The following FSTL5 variants were observed in gnomAD, a reference collection of about 807,000 sequenced individuals.
FSTL5 encodes the protein follistatin like 5, also known as follistatin-related protein 5.
Under a neutral mutation model 89.1 loss-of-function variants are expected in FSTL5, and 62 were observed. The observed-to-expected ratio is 0.70, with a 90% confidence interval of 0.57 to 0.86. The LOEUF (loss-of-function observed/expected upper bound fraction) is 0.86, where lower values mean the gene tolerates loss of function less well. Among genes scored for constraint, FSTL5 ranks in the 40% least tolerant of loss-of-function variants. The pLI, the probability that FSTL5 is intolerant of heterozygous loss-of-function variation, is 0.00. For missense variants in FSTL5, 1,057 were observed against 1,001.6 expected (o/e 1.06, Z -0.75); for synonymous variants, 383 against 346.2 (o/e 1.11, Z -1.18).
rs1156995964 is a variant in FSTL5, at chr4:161,385,599, G to A, written c.*148C>T. ...TAATTGTGTATGTCTTAGTCACTTA[G>A]TCAAAAACAATTTATTTTATTTGGA... is the stretch of plus-strand genomic sequence containing the variant. On this transcript the variant is annotated 3_prime_UTR_variant, in exon 16 of 16. Transcript: ENST00000306100. 6 of 604,720 alleles carry A rather than the reference G, an allele frequency of 9.9e-6. No individual in the cohort carries two copies. Among genetic ancestry groups the A allele is most frequent in the East Asian group, 8.4e-5 (3 of 35,870 alleles). The allele number at this position is 604,720 out of a possible 1,614,324, so 37.5% of individuals were successfully genotyped here.
chr4:161,982,656 T>C (rs1160992449), intron 3 of FSTL5, among the ~76,000 whole-genome samples: 1 of 152,214 alleles, frequency 6.6e-6, no homozygotes. Context: ...AATATTTGAA[T>C]ATTTGATTTA....
chr4:161,486,325 G>A (rs1004993107), intron 12 of FSTL5, among the ~76,000 whole-genome samples: 2 of 151,992 alleles, frequency 1.3e-5, no homozygotes, highest in Non-Finnish European at 2.9e-5. Context: ...CCAAAATAGG[G>A]AGCCTTGGAG....
intron 15 of FSTL5, among the ~76,000 whole-genome samples, chr4:161,434,699 T>A (rs1252163440): frequency 6.7e-6 from 1 of 149,174 alleles, no homozygotes; most frequent in Non-Finnish European, 1.5e-5. Context: ...CTAGGATATA[T>A]AAGAAGCTCA....
rs1231231673 is a variant in FSTL5, at chr4:161,476,173, GTTTT to G, written c.1608+4843_1608+4846del. Among the ~76,000 whole-genome samples, 153 of 80,472 alleles carry G rather than the reference GTTTT, an allele frequency of 1.9e-3. 4 individuals carry two copies. In the Middle Eastern group the frequency reaches 0.039, roughly 21 times the overall value. The allele number at this position is 80,472 out of a possible 152,430, so 52.8% of individuals were successfully genotyped here. A position where few individuals can be genotyped will look rare whatever the true frequency, so the allele number is the denominator to read the frequency against. On this transcript the variant is annotated intron_variant, in intron 13 of 15. Coordinates refer to ENST00000306100, the MANE Select transcript of FSTL5 (RefSeq NM_020116.5). ...TTCTTCTCCTTCTTCAAGTTTGCTG[GTTTT>G]TTTTTTTTTTTGTTTGTTTGTTTTT...
At chr4:161,726,919 A>G (rs1739445789) in intron 6 of FSTL5, among the ~76,000 whole-genome samples, 1 of 150,358 alleles carries the variant, frequency 6.7e-6, no homozygotes. Flanking sequence ...AAAAATATAT[A>G]TATATATATA....
At chr4:161,497,103 T>C (rs879362294) in intron 12 of FSTL5, among the ~76,000 whole-genome samples, 2 of 152,142 alleles carry the variant, frequency 1.3e-5, no homozygotes, top group Non-Finnish European at 2.9e-5. Context: ...CATGTAAAAA[T>C]TATTTAGTTC....
intron 4 of FSTL5, among the ~76,000 whole-genome samples, chr4:161,868,647 A>G (rs915967994): frequency 1.3e-5 from 2 of 152,152 alleles, no homozygotes; most frequent in African/African-American, 4.8e-5. Context: ...CCATTAGCAT[A>G]AGTGGTTGTA....
intron 5 of FSTL5, among the ~76,000 whole-genome samples, chr4:161,775,343 T>G (rs1741368527): frequency 6.6e-6 from 1 of 152,124 alleles, no homozygotes; most frequent in Non-Finnish European, 1.5e-5. Flanking sequence ...TTTGAAGAAA[T>G]CCCATGTCTC....
Position 162,079,591 on chromosome 4 carries a change from T to C in FSTL5, c.126+31680A>G, listed in dbSNP as rs148620601. Among the ~76,000 whole-genome samples, 375 of 151,638 alleles carry C rather than the reference T, an allele frequency of 2.5e-3. 1 individual carries two copies. The highest frequency in any genetic ancestry group is 8.5e-3 in the African/African-American group (351 of 41,486). On this transcript the variant is annotated intron_variant, in intron 2 of 15. Coordinates refer to ENST00000306100, the MANE Select transcript of FSTL5 (RefSeq NM_020116.5). ...TAAACTCGCATATGTAAATATTTGA[T>C]TATGGTAAAAATCCCTTGAATTTGT...
intron 7 of FSTL5, among the ~76,000 whole-genome samples, chr4:161,656,007 A>C (rs1009745348): frequency 6.6e-6 from 1 of 152,194 alleles, no homozygotes; most frequent in African/African-American, 2.4e-5. Context: ...ATTAATAGGA[A>C]TAAATCCTAC....
intron 4 of FSTL5, among the ~76,000 whole-genome samples, chr4:161,905,971 A>AG (rs1733511125): frequency 6.6e-6 from 1 of 152,230 alleles, no homozygotes; most frequent in Non-Finnish European, 1.5e-5. Context: ...ATTTTAGCAC[A>AG]GAAGTGTGGA....
At chr4:161,582,453 T>C (rs546874579) in intron 8 of FSTL5, among the ~76,000 whole-genome samples, 7 of 152,342 alleles carry the variant, frequency 4.6e-5, no homozygotes, top group African/African-American at 1.7e-4. Flanking sequence ...TCCCAACTAC[T>C]GTTTGTTGTT....
At chr4:161,525,421 A>T (rs1296363273) in intron 10 of FSTL5, among the ~76,000 whole-genome samples, 2 of 152,192 alleles carry the variant, frequency 1.3e-5, no homozygotes, top group African/African-American at 2.4e-5. Flanking sequence ...ATTAAGAAAT[A>T]GTTAAGTCAG....
chr4:161,639,805 T>C (rs1451792515), intron 7 of FSTL5, among the ~76,000 whole-genome samples: 3 of 152,120 alleles, frequency 2.0e-5, no homozygotes, highest in Non-Finnish European at 4.4e-5. Context: ...CATTGAAATA[T>C]TGGGGATTTG....
At chr4:161,834,769 G>C (rs889301568) in intron 4 of FSTL5, among the ~76,000 whole-genome samples, 1 of 152,010 alleles carries the variant, frequency 6.6e-6, no homozygotes, top group Admixed American at 6.6e-5. Context: ...TCTTCAAGGA[G>C]AACTACAAAC....
chr4:161,862,817 G>T (rs1731961796), intron 4 of FSTL5, among the ~76,000 whole-genome samples: 1 of 152,108 alleles, frequency 6.6e-6, no homozygotes, highest in Non-Finnish European at 1.5e-5. Flanking sequence ...CTGAAAGAAG[G>T]TGAATAATTT....
chr4:161,940,465 G>A (rs1002096969), intron 3 of FSTL5, among the ~76,000 whole-genome samples: 2 of 151,504 alleles, frequency 1.3e-5, no homozygotes, highest in African/African-American at 4.8e-5. Context: ...CATCTGCACT[G>A]AGCCCAATTA....
rs1479697725 is a variant in FSTL5, at chr4:161,500,031, C to T, written c.1443G>A (p.Lys481=). 2.5e-5 allele frequency: 40 copies of T among 1,597,776 alleles called. No homozygotes were observed. Among genetic ancestry groups the T allele is most frequent in the Non-Finnish European group, 3.3e-5 (39 of 1,167,850 alleles). The change falls in exon 12 of 16, where the codon AAG becomes AAA. Residue 481 remains lysine (K), a synonymous_variant. Transcript: ENST00000306100. ...EFQRHIKPSE[K]LLGFQDEVCP... The stretch of plus-strand genomic sequence containing the variant: ...AGATACTTGCCTGAAATCCAAGGAG[C>T]TTTTCACTAGGCTTAATGTGCCTCT...
chr4:161,536,392 G>A (rs548321628), intron 10 of FSTL5, among the ~76,000 whole-genome samples: 62 of 152,126 alleles, frequency 4.1e-4, no homozygotes, highest in Non-Finnish European at 6.9e-4. Context: ...GGTTACAAAA[G>A]GCAGTAATTT....
Sources: gnomAD v4.1 joint callset for allele counts (sites outside exome capture counted in the v4.1 genomes callset) on GRCh38, gnomAD v4.1.1 for gene constraint, MANE v1.5 for transcripts, NCBI Gene and HGNC (gene_info 2026-07-23, HGNC 2026-07-21) for gene names.